MYO16: variants seen among roughly 807,000 people sequenced by gnomAD.
MYO16 encodes the protein unconventional myosin-XVI.
A neutral mutation model predicts 205.3 loss-of-function variants in MYO16; 94 were observed. The ratio of observed to expected loss-of-function variants is 0.46; its 90% CI spans 0.39 to 0.54. The LOEUF is 0.54. Ranked by LOEUF, MYO16 falls within the 20% of genes least tolerant of loss-of-function variation. MYO16 has a pLI of 0.00. For missense variants in MYO16, 2,315 were observed against 2,387.5 expected (o/e 0.97, Z 0.63); for synonymous variants, 988 against 954.0 (o/e 1.04, Z -0.66).
the MYO16 span, among the ~76,000 whole-genome samples, chr13:108,564,056 T>C: frequency 6.6e-6 from 1 of 152,238 alleles, no homozygotes; most frequent in African/African-American, 2.4e-5. Context: ...TGAGATGATA[T>C]CTCAATGTAG....
chr13:108,957,988 G>C (rs1404998563), intron 17 of MYO16, among the ~76,000 whole-genome samples, 189 bp downstream of exon 17: 2 of 151,968 alleles, frequency 1.3e-5, no homozygotes, highest in East Asian at 3.9e-4. Context: ...GCAGGGGGCA[G>C]GACTTCATCC....
intron 7 of MYO16, among the ~76,000 whole-genome samples, chr13:108,819,370 G>A (rs561462288): frequency 6.6e-6 from 1 of 152,138 alleles, no homozygotes; most frequent in South Asian, 2.1e-4. Flanking sequence ...GAATCTATAC[G>A]ATAGGATTTC....
chr13:108,894,171 G>A (rs1165324014), intron 14 of MYO16, among the ~76,000 whole-genome samples: 2 of 152,072 alleles, frequency 1.3e-5, no homozygotes, highest in Admixed American at 6.5e-5. Context: ...ATGCCTTCAC[G>A]ATCATGAGAG....
intron 20 of MYO16, among the ~76,000 whole-genome samples, chr13:108,977,635 T>C (rs556877617): frequency 1.3e-5 from 2 of 152,280 alleles, no homozygotes; most frequent in East Asian, 3.9e-4. Context: ...AAAATTATTG[T>C]GTATGTGAGG....
chr13:108,986,105 G>C (rs781305501), intron 20 of MYO16, among the ~76,000 whole-genome samples: 2 of 152,072 alleles, frequency 1.3e-5, no homozygotes, highest in South Asian at 4.1e-4. Flanking sequence ...ATCAGATCTC[G>C]TGAGACTTAT....
intron 1 of MYO16, among the ~76,000 whole-genome samples, chr13:108,599,073 T>C (rs1878667831): frequency 6.7e-6 from 1 of 148,904 alleles, no homozygotes; most frequent in Non-Finnish European, 1.5e-5. Flanking sequence ...TTCCAATCTA[T>C]GAGTGAGAAC....
rs1878455646 is a variant in MYO16, at chr13:108,861,679, T to G, written c.1360-4498T>G. Among the ~76,000 whole-genome samples, 5 of 152,316 alleles carry G rather than the reference T, an allele frequency of 3.3e-5. No individual in the cohort carries two copies. The South Asian group carries it at 1.0e-3, about 32-fold the overall frequency. The stretch of plus-strand genomic sequence containing the variant: ...TTGTAGAGTGGTAGCTTATTGTGTT[T>G]CTAATTTCTATTTCTCTGATTTAAC... On this transcript the variant is annotated intron_variant, in intron 11 of 34. Transcript: ENST00000457511.
At position 108,998,172 on chromosome 13, in the gene MYO16, CT is replaced by C. The variant is rs200146782; in HGVS notation, c.2442+5726del. Among the ~76,000 whole-genome samples, 1,464 of 148,636 alleles carry C rather than the reference CT, an allele frequency of 9.8e-3. 13 individuals carry two copies. Among genetic ancestry groups the C allele is most frequent in the South Asian group, 0.023 (107 of 4,706 alleles). ...AAAATGGAATAGTAAATTAACTTTTCTTAATTGGACTTTTCCACATACTCTT... is the reference window on the plus strand; with the variant it reads ...AAAATGGAATAGTAAATTAACTTTTCTAATTGGACTTTTCCACATACTCTT... On this transcript the variant is annotated intron_variant, in intron 21 of 34. Transcript: ENST00000457511.
intron 16 of MYO16, among the ~76,000 whole-genome samples, 190 bp from the exon 17 acceptor site, chr13:108,957,498 C>T (rs1401464545): frequency 6.6e-6 from 1 of 151,458 alleles, no homozygotes; most frequent in Non-Finnish European, 1.5e-5. Context: ...CCTGGTACAA[C>T]AAGAACTAAT....
Position 109,055,294 on chromosome 13 carries a change from A to T in MYO16, c.3130-96A>T. ...ACACACAGAGTAAATGCATAATGAG[A>T]TTTAAAGACGTAAAGACTTTTTATT... is the stretch of plus-strand genomic sequence containing the variant. On this transcript the variant is annotated intron_variant, in intron 26 of 34. Transcript: ENST00000457511. This position sits in a 1 kb window ranked among gnomAD's most constrained non-coding sequence, Gnocchi z 5.0. 9.1e-7 allele frequency: 1 copy of T among 1,102,830 alleles called. No individual in the cohort carries two copies. The highest frequency in any genetic ancestry group is 1.5e-5 in the South Asian group (1 of 65,166). The allele number at this position is 1,102,830 out of a possible 1,614,324, so 68.3% of individuals were successfully genotyped here. A position where few individuals can be genotyped will look rare whatever the true frequency, so the allele number is the denominator to read the frequency against.
At chr13:108,806,845 TA>T in intron 7 of MYO16, 41 bp downstream of exon 7, 1 of 1,315,716 alleles carries the variant, frequency 7.6e-7, no homozygotes, top group South Asian at 2.1e-5. Flanking sequence ...TAATTTTATA[TA>T]ATTAATGAAT....
chr13:108,601,344 T>C (rs944148516), intron 1 of MYO16, among the ~76,000 whole-genome samples: 1 of 152,130 alleles, frequency 6.6e-6, no homozygotes, highest in Non-Finnish European at 1.5e-5. Flanking sequence ...TATTTGAACT[T>C]TCAGTAGGTT....
intron 9 of MYO16, among the ~76,000 whole-genome samples, chr13:108,834,475 G>A (rs992652206): frequency 1.3e-5 from 2 of 152,112 alleles, no homozygotes; most frequent in South Asian, 2.1e-4. Flanking sequence ...TAAAGACATT[G>A]CTCCAAGAAA....
At position 109,125,055 on chromosome 13, in the gene MYO16, C is replaced by T. The variant is rs545001468; in HGVS notation, c.3536-57C>T. 3 of 1,569,510 alleles carry T rather than the reference C, an allele frequency of 1.9e-6. No homozygotes were observed. Among genetic ancestry groups the T allele is most frequent in the Admixed American group, 1.8e-5 (1 of 56,352 alleles). Reference sequence around the variant, plus strand: ...AAGTATATTATGATTTTTGTTTGTGCATGTCTGAGTTTTTCACTTTTCCTC... The same window carrying T: ...AAGTATATTATGATTTTTGTTTGTGTATGTCTGAGTTTTTCACTTTTCCTC... On this transcript the variant is annotated intron_variant, in intron 29 of 34. Transcript: ENST00000457511. This position sits in a 1 kb window ranked among gnomAD's most constrained non-coding sequence, Gnocchi z 4.0.
rs1220087806 is a variant in MYO16, at chr13:108,727,520, C to G, written c.444C>G (p.Phe148Leu). Residue 148 changes from phenylalanine (F) to leucine (L), a missense_variant, in exon 4 of 35, where the codon TTC (phenylalanine) becomes TTG (leucine). Phe to Leu is a conservative substitution (Grantham distance 22, BLOSUM62 0). This residue lies in a region of MYO16 where 1,213 missense variants were observed against 1,274.4 expected (regional missense o/e 0.95). Transcript: ENST00000457511. ...ACGTCAACCACCAGGATGAAGACTT[C>G]TGGACGCCCATGCACATTGCCTGTG... The part of the protein sequence containing the change: ...GVNVNHQDED[F>L]WTPMHIACAC... 1 of 1,613,988 alleles carries G rather than the reference C, an allele frequency of 6.2e-7. No individual in the cohort carries two copies. The highest frequency in any genetic ancestry group is 2.2e-5 in the East Asian group (1 of 44,874).
At chr13:108,964,739 C>G (rs758219629) in intron 19 of MYO16, 22 bp from the exon 20 acceptor site, 1 of 1,612,818 alleles carries the variant, frequency 6.2e-7, no homozygotes, top group Admixed American at 1.7e-5. Flanking sequence ...GCTCACTCCT[C>G]CTTTTCTTTC....
At chr13:108,923,201 G>T (rs773503005) in intron 16 of MYO16, among the ~76,000 whole-genome samples, 1 of 152,208 alleles carries the variant, frequency 6.6e-6, no homozygotes, top group Non-Finnish European at 1.5e-5. Context: ...GAAGACCTGG[G>T]GGCTGCGTGT....
chr13:108,883,015 C>T, intron 12 of MYO16, 44 bp from the exon 13 acceptor site: 1 of 1,605,164 alleles, frequency 6.2e-7, no homozygotes, highest in Non-Finnish European at 8.5e-7. Context: ...AATACTGGCG[C>T]CTTTTCACTG....
At chr13:108,988,231 A>G (rs1452717774) in intron 20 of MYO16, among the ~76,000 whole-genome samples, 2 of 152,198 alleles carry the variant, frequency 1.3e-5, no homozygotes, top group African/African-American at 2.4e-5. Context: ...AGTCAGGTCA[A>G]CTGCTACGTA....
Sources: allele counts gnomAD v4.1 joint callset (sites outside exome capture counted in the v4.1 genomes callset), GRCh38; gene constraint gnomAD v4.1.1; regional missense constraint gnomAD v4.1.1; non-coding constraint Gnocchi (gnomAD v3.1); transcripts MANE v1.5; gene names NCBI Gene and HGNC (gene_info 2026-07-23, HGNC 2026-07-21).